APBA2: variants seen among roughly 807,000 people sequenced by gnomAD.
The protein encoded by APBA2 is amyloid beta precursor protein binding family A member 2.
Under a neutral mutation model 75.0 loss-of-function variants are expected in APBA2, and 30 were observed. That is an observed-to-expected ratio of 0.40 (90% CI 0.30 to 0.54). The LOEUF is 0.54. Among genes scored for constraint, APBA2 ranks in the 20% least tolerant of loss-of-function variants. The pLI is 0.49. For synonymous variants in APBA2, 444 were observed against 409.6 expected (o/e 1.08, Z -1.01); for missense variants, 801 against 1,016.1 (o/e 0.79, Z 2.88).
chr15:29,103,899 A>G (rs1191964397), intron 10 of APBA2, among the ~76,000 whole-genome samples: 2 of 152,148 alleles, frequency 1.3e-5, no homozygotes, highest in Non-Finnish European at 2.9e-5. Context: ...TCAGCTCGCC[A>G]ACTCCGCAGG....
At chr15:28,982,446 A>G (rs1461421422) in intron 2 of APBA2, among the ~76,000 whole-genome samples, 1 of 152,200 alleles carries the variant, frequency 6.6e-6, no homozygotes, top group Non-Finnish European at 1.5e-5. Context: ...AGTCCAGAAT[A>G]CCTGGTTGCA....
chr15:28,999,398 C>T (rs1240745445), intron 3 of APBA2, among the ~76,000 whole-genome samples: 1 of 151,932 alleles, frequency 6.6e-6, no homozygotes, highest in East Asian at 1.9e-4. Flanking sequence ...TTTAAAAAGA[C>T]AATAGAATTG....
intron 8 of APBA2, among the ~76,000 whole-genome samples, chr15:29,097,524 C>T (rs1377589336): frequency 6.6e-6 from 1 of 152,182 alleles, no homozygotes; most frequent in Non-Finnish European, 1.5e-5. Context: ...AGCCTTCCTT[C>T]GAGTTATTAC....
In APBA2 at chr15:29,105,381, C is replaced by T. The variant is rs759399054; in HGVS notation, c.1527C>T (p.Ala509=). ...CAGCTGGCCTGCCCTCTGCACAGGC[C>T]CAGCTCATCGCCCAGTCTATCGGCC... is the stretch of plus-strand genomic sequence containing the variant. ...MICHVFESED[A]QLIAQSIGQA... Residue 509 remains alanine, a splice_region_variant and synonymous_variant, in exon 11 of 15, where the codon GCC becomes GCT. Coordinates refer to ENST00000683413, the MANE Select transcript of APBA2 (RefSeq NM_001353788.2). 8.7e-6 allele frequency: 14 copies of T among 1,610,742 alleles called. No homozygotes were observed. Among genetic ancestry groups the T allele is most frequent in the Non-Finnish European group, 1.2e-5 (14 of 1,179,834 alleles).
intron 2 of APBA2, among the ~76,000 whole-genome samples, chr15:28,995,172 C>G (rs1180835619): frequency 6.6e-6 from 1 of 152,158 alleles, no homozygotes; most frequent in Non-Finnish European, 1.5e-5. Flanking sequence ...TCCTCTTCAG[C>G]CTTCCTGTGC....
Position 29,059,344 on chromosome 15 carries a change from C to T in APBA2, c.951+4509C>T, listed in dbSNP as rs573979976. Among the ~76,000 whole-genome samples, 286 of 152,130 alleles carry T rather than the reference C, an allele frequency of 1.9e-3. 2 individuals carry two copies. Among genetic ancestry groups the T allele is most frequent in the African/African-American group, 6.6e-3 (272 of 41,490 alleles). On this transcript the variant is annotated intron_variant, in intron 4 of 14. Coordinates refer to ENST00000683413, the MANE Select transcript of APBA2 (RefSeq NM_001353788.2). ...TAGAGAAGCTTCCTTCAGGGCTGAG[C>T]GACAGTGCTGACTCGTCTATGCTGC...
At chr15:28,989,203 T>A (rs2038087121) in intron 2 of APBA2, among the ~76,000 whole-genome samples, 1 of 152,210 alleles carries the variant, frequency 6.6e-6, no homozygotes, top group Non-Finnish European at 1.5e-5. Context: ...ATCTTTTTTC[T>A]TTTCTTCCTT....
chr15:29,007,923 T>C (rs1160923294), intron 3 of APBA2, among the ~76,000 whole-genome samples: 2 of 152,222 alleles, frequency 1.3e-5, no homozygotes, highest in Non-Finnish European at 1.5e-5. Context: ...GAAATATCTG[T>C]ACATTCATGT....
chr15:29,101,825 A>G (rs776019302), intron 10 of APBA2, 41 bp downstream of exon 10: 8 of 1,597,882 alleles, frequency 5.0e-6, no homozygotes, highest in Non-Finnish European at 6.0e-6. Flanking sequence ...CCCAAAGTTC[A>G]CAGCCCAGGG....
At chr15:28,889,491 A>T (rs2031986319) in intron 1 of APBA2, among the ~76,000 whole-genome samples, 1 of 152,062 alleles carries the variant, frequency 6.6e-6, no homozygotes, top group Non-Finnish European at 1.5e-5. Flanking sequence ...CATCCACGTT[A>T]CTCGGCTGGA....
chr15:28,950,842 A>G (rs1175521018), intron 2 of APBA2, among the ~76,000 whole-genome samples: 1 of 152,126 alleles, frequency 6.6e-6, no homozygotes, highest in African/African-American at 2.4e-5. Flanking sequence ...ATTTACATCA[A>G]TATGGATTTG....
chr15:29,073,707 C>T (rs905630082), intron 4 of APBA2, among the ~76,000 whole-genome samples: 6 of 152,190 alleles, frequency 3.9e-5, no homozygotes, highest in African/African-American at 1.4e-4. Context: ...ATTGTTATTT[C>T]TCGATAATTT....
At chr15:29,003,945 C>T (rs1294432358) in intron 3 of APBA2, among the ~76,000 whole-genome samples, 2 of 152,320 alleles carry the variant, frequency 1.3e-5, no homozygotes, top group East Asian at 3.9e-4. Context: ...GGCTGATTGC[C>T]TAGCCAAGTC....
chr15:28,899,766 T>G (rs1431468107), intron 1 of APBA2, among the ~76,000 whole-genome samples: 1 of 152,216 alleles, frequency 6.6e-6, no homozygotes, highest in African/African-American at 2.4e-5. Flanking sequence ...AGAATGAGCA[T>G]GTAGGGACCT....
rs551816695 is a variant in APBA2 at position 29,035,295 on chromosome 15, A to G, written c.-40-18550A>G. On this transcript the variant is annotated intron_variant, in intron 3 of 14. Coordinates refer to ENST00000683413, the MANE Select transcript of APBA2 (RefSeq NM_001353788.2). ...TGATTGCAATCGTGGGGTCATTAGG[A>G]TTAATTAGTAAATAGCCATCAGATC... 1.5e-3 allele frequency among the ~76,000 whole-genome samples: 233 copies of G among 152,226 alleles called. 2 individuals are homozygous for G. Among genetic ancestry groups the G allele is most frequent in the Middle Eastern group, 6.8e-3 (2 of 294 alleles).
At chr15:28,954,123 A>G (rs2036038050) in intron 2 of APBA2, among the ~76,000 whole-genome samples, 1 of 151,836 alleles carries the variant, frequency 6.6e-6, no homozygotes, top group Non-Finnish European at 1.5e-5. Flanking sequence ...CTTAAACCCC[A>G]CATGGAATCT....
intron 8 of APBA2, among the ~76,000 whole-genome samples, chr15:29,096,340 T>C (rs2043850183): frequency 5.9e-5 from 9 of 152,170 alleles, no homozygotes; most frequent in Admixed American, 5.2e-4. Context: ...GCTGGGTGGC[T>C]TCAGGCTGCC....
intron 1 of APBA2, among the ~76,000 whole-genome samples, chr15:28,907,691 G>A (rs1365539272): frequency 4.0e-5 from 6 of 150,554 alleles, no homozygotes; most frequent in Non-Finnish European, 8.9e-5. Flanking sequence ...TAGAGCTTGC[G>A]TCCCATCATA....
At chr15:28,945,808 C>T (rs2035515073) in intron 2 of APBA2, among the ~76,000 whole-genome samples, 3 of 152,174 alleles carry the variant, frequency 2.0e-5, no homozygotes, top group South Asian at 4.1e-4. Flanking sequence ...CCGCTCCTTA[C>T]ATTTTGTTGC....
Sources: allele counts gnomAD v4.1 joint callset (sites outside exome capture counted in the v4.1 genomes callset), GRCh38; gene constraint gnomAD v4.1.1; transcripts MANE v1.5; gene names NCBI Gene and HGNC (gene_info 2026-07-23, HGNC 2026-07-21).